Variants in ZNF263 observed in about 807,000 individuals in gnomAD.
ZNF263 encodes the protein zinc finger protein FPM315.
ZNF263 carries 49 observed loss-of-function variants against 63.1 expected under a neutral mutation model. The observed-to-expected ratio is 0.78, with a 90% CI of 0.62 to 0.99. ZNF263 has a LOEUF of 0.99. ZNF263 is among the 50% of genes least tolerant of loss of function. The pLI is 0.00. For missense variants in ZNF263, 872 were observed against 854.8 expected, an observed-to-expected ratio of 1.02 and a Z score of -0.25; for synonymous variants, 352 against 324.2, an observed-to-expected ratio of 1.09 and a Z score of -0.92.
intron 1 of ZNF263, among the ~76,000 whole-genome samples, chr16:3,297,775 C>G (rs948451862): frequency 1.3e-5 from 2 of 152,002 alleles, no homozygotes; most frequent in East Asian, 3.9e-4. Flanking sequence ...GAAACAGATT[C>G]TTGAAGATAA....
chr16:3,285,296 G>A, intron 2 of ZNF263, 57 bp downstream of exon 2: 6 of 1,520,496 alleles, frequency 3.9e-6, no homozygotes, highest in Non-Finnish European at 3.6e-6. Context: ...GGTTGCCCCC[G>A]ACACTAGCTG....
Position 3,299,139 on chromosome 16 carries a change from A to G in ZNF263, c.*29A>G, listed in dbSNP as rs1470363223. On this transcript the variant is annotated 3_prime_UTR_variant, in exon 2 of 3. Transcript: ENST00000574674. ...GGAATCTCTGAAACTCAGGTGTGGC[A>G]TCAACAAAGTCAAGAAGGTAGTCCA... 3.3e-6 allele frequency: 5 copies of G among 1,495,168 alleles called. No homozygotes were observed. The African/African-American group carries it at 5.7e-5, about 17-fold the overall frequency. The allele number at this position is 1,495,168 out of a possible 1,614,324, so 92.6% of individuals were successfully genotyped here.
intron 3 of ZNF263, 41 bp from the exon 4 acceptor site, chr16:3,285,982 T>C: frequency 6.2e-7 from 1 of 1,613,810 alleles, no homozygotes. Flanking sequence ...TGAATTGTTC[T>C]TGGTGCATCA....
Position 3,286,007 on chromosome 16 carries a change from T to C in ZNF263, c.643-16T>C, listed in dbSNP as rs1347891652. 1.9e-5 allele frequency: 31 copies of C among 1,613,922 alleles called. No homozygotes were observed. The highest frequency in any genetic ancestry group is 2.6e-5 in the Non-Finnish European group (31 of 1,179,948). On this transcript the variant is annotated splice_polypyrimidine_tract_variant and intron_variant, in intron 3 of 5. Coordinates refer to ENST00000219069, the MANE Select transcript of ZNF263 (RefSeq NM_005741.5). ...TTGGTGCATCAGGGGCTAAAGGAGATCTTGTGCTGTTTCAGTTGCCTGAGA... is the reference window on the plus strand; with the variant it reads ...TTGGTGCATCAGGGGCTAAAGGAGACCTTGTGCTGTTTCAGTTGCCTGAGA...
At chr16:3,294,512 TTTACTC>T (rs1213519820), downstream of ZNF263, among the ~76,000 whole-genome samples, 2 of 152,198 alleles carry the variant, frequency 1.3e-5, no homozygotes, top group Admixed American at 6.5e-5. Flanking sequence ...AATATTTTCT[TTTACTC>T]TTCAGTCTAG....
Position 3,290,673 on chromosome 16 carries a change from T to C in ZNF263, c.*115T>C. On this transcript the variant is annotated 3_prime_UTR_variant, in exon 6 of 6. Coordinates refer to ENST00000219069, the MANE Select transcript of ZNF263 (RefSeq NM_005741.5). ...AATGACCTCTGCATTCTTCAGGTAA[T>C]GGGGGCTCATTGTGAGGGAGGTGCA... 2 of 1,457,032 alleles carry C rather than the reference T, an allele frequency of 1.4e-6. No individual in the cohort carries two copies. Among genetic ancestry groups the C allele is most frequent in the Non-Finnish European group, 9.0e-7 (1 of 1,111,910 alleles). 90.3% of individuals were successfully genotyped at this position (1,457,032 alleles called of 1,614,324 possible).
intron 2 of ZNF263, chr16:3,300,243 A>G: frequency 1.2e-6 from 2 of 1,614,226 alleles, no homozygotes; most frequent in South Asian, 2.2e-5. Flanking sequence ...TAAAAAGCCA[A>G]CCAGTGCTAG....
At chr16:3,299,335 C>T in intron 2 of ZNF263, 1 of 1,593,294 alleles carries the variant, frequency 6.3e-7, no homozygotes, top group Non-Finnish European at 8.5e-7. Flanking sequence ...CAACTCCCCA[C>T]ATTTTTCAAG....
At chr16:3,288,934 C>T (rs1342936582) in intron 5 of ZNF263, among the ~76,000 whole-genome samples, 2 of 152,076 alleles carry the variant, frequency 1.3e-5, no homozygotes, top group African/African-American at 4.8e-5. Context: ...TGAGCCACCG[C>T]CCCCAGCAGA....
intron 2 of ZNF263, chr16:3,300,403 CTCTT>C (rs942433917): frequency 1.2e-6 from 2 of 1,614,082 alleles, no homozygotes; most frequent in Non-Finnish European, 1.7e-6. Context: ...TCCCGTTGTC[CTCTT>C]TCTCTTCTCA....
At chr16:3,301,102 A>T in exon 3 of ZNF263, 1 of 168,978 alleles carries the variant, frequency 5.9e-6, no homozygotes. Flanking sequence ...ATGACAGAGT[A>T]ATCTTGTGTG....
chr16:3,285,551 C>A, intron 2 of ZNF263, 130 bp from the exon 3 acceptor site: 1 of 908,086 alleles, frequency 1.1e-6, no homozygotes, highest in Non-Finnish European at 1.7e-6. Flanking sequence ...GCTGATTAGG[C>A]CTCTGTGCAG....
At chr16:3,288,204 A>G (rs1959452019) in intron 4 of ZNF263, among the ~76,000 whole-genome samples, 1 of 151,270 alleles carries the variant, frequency 6.6e-6, no homozygotes, top group African/African-American at 2.4e-5. Context: ...GTGAGCGGAG[A>G]TCGTGCCACT....
Position 3,299,580 on chromosome 16 carries a change from C to T in ZNF263, c.*46+424C>T, listed in dbSNP as rs146656234. The stretch of plus-strand genomic sequence containing the variant: ...ATATTACAAGACTCTCTTCAAGTTG[C>T]TTCCATCTATACAGCCGTTTGCAGC... On this transcript the variant is annotated intron_variant, in intron 2 of 2. Transcript: ENST00000574674. 1,006 of 1,540,616 alleles carry T rather than the reference C, an allele frequency of 6.5e-4. 9 individuals carry two copies. The African/African-American group carries it at 0.012, about 19-fold the overall frequency.
rs372653913 is a variant in ZNF263 at position 3,290,333 on chromosome 16, G to A, written c.1827G>A (p.Gly609=). The change falls in exon 6 of 6, where the codon GGG becomes GGA. Residue 609 remains glycine (G), a synonymous_variant. Coordinates refer to ENST00000219069, the MANE Select transcript of ZNF263 (RefSeq NM_005741.5). The part of the protein sequence containing the change: ...GEKPYKCTLC[G]ENFSHRSNLI... ...AACCGTATAAATGTACCCTTTGTGG[G>A]GAAAACTTCTCTCATAGATCCAATT... 5 of 1,613,384 alleles carry A rather than the reference G, an allele frequency of 3.1e-6. No homozygotes were observed. Among genetic ancestry groups the A allele is most frequent in the Non-Finnish European group, 4.2e-6 (5 of 1,179,844 alleles).
At chr16:3,300,201 T>A in intron 2 of ZNF263, 8 of 1,614,248 alleles carry the variant, frequency 5.0e-6, no homozygotes, top group Non-Finnish European at 5.1e-6. Flanking sequence ...CACATCCTTT[T>A]CGGTTCCCAA....
chr16:3,285,756 T>G lies in ZNF263; in HGVS notation c.642+2T>G, dbSNP rs779683428. On this transcript the variant is annotated splice_donor_variant, in intron 3 of 5. Transcript: ENST00000219069. LOFTEE classifies it high-confidence loss of function. ...GACAAGGAGATGACTGGGCCCCAGG[T>G]GATGTGGAAGTTTCCATTGTCTCCC... 6.2e-7 allele frequency: 1 copy of G among 1,614,074 alleles called. No homozygotes were observed. The highest frequency in any genetic ancestry group is 1.1e-5 in the South Asian group (1 of 91,072).
intron 4 of ZNF263, among the ~76,000 whole-genome samples, chr16:3,287,523 T>C (rs1029031035): frequency 2.6e-5 from 4 of 151,040 alleles, no homozygotes; most frequent in Non-Finnish European, 5.9e-5. Flanking sequence ...ACTGTACCAG[T>C]TTCCATATTA....
At chr16:3,300,863 A>G in intron 2 of ZNF263, 1 of 423,220 alleles carries the variant, frequency 2.4e-6, no homozygotes, top group East Asian at 4.3e-5. Flanking sequence ...CCTGCAAGCC[A>G]TGAGTGATCA....
Sources: gnomAD v4.1 joint callset for allele counts (sites outside exome capture counted in the v4.1 genomes callset) on GRCh38, gnomAD v4.1.1 for gene constraint, MANE v1.5 for transcripts, NCBI Gene and HGNC (gene_info 2026-07-23, HGNC 2026-07-21) for gene names.